Variants in BAIAP2 observed in about 807,000 individuals in gnomAD.
BAIAP2 encodes BAR/IMD domain-containing adapter protein 2.
Under a neutral mutation model 63.0 loss-of-function variants are expected in BAIAP2, and 18 were observed. The ratio of observed to expected loss-of-function variants is 0.29; its 90% CI spans 0.20 to 0.42. The LOEUF is 0.42. Ranked by LOEUF, BAIAP2 falls within the 10% of genes least tolerant of loss-of-function variation. BAIAP2 has a pLI of 1.00. For missense variants in BAIAP2, 610 were observed against 734.3 expected, an observed-to-expected ratio of 0.83 and a Z score of 1.96; for synonymous variants, 386 against 307.6, an observed-to-expected ratio of 1.25 and a Z score of -2.67.
intron 3 of BAIAP2, among the ~76,000 whole-genome samples, chr17:81,070,853 C>T (rs145326979): frequency 7.2e-5 from 11 of 152,322 alleles, no homozygotes; most frequent in Admixed American, 2.0e-4. Context: ...TTGATCCCAG[C>T]GTGATGGTGC....
At chr17:81,060,019 G>A (rs189098600) in intron 3 of BAIAP2, among the ~76,000 whole-genome samples, 7 of 152,294 alleles carry the variant, frequency 4.6e-5, no homozygotes, top group Admixed American at 2.0e-4. Context: ...AGACGTGAGG[G>A]CTCTTACTTG....
rs1012476962 is a variant in BAIAP2 at position 81,063,203 on chromosome 17, C to T, written c.217+5236C>T. On this transcript the variant is annotated intron_variant, in intron 3 of 13. Coordinates refer to ENST00000428708, the MANE Select transcript of BAIAP2 (RefSeq NM_001144888.2). ...TTGCAGAAATGTGAAAGGTCTGGAG[C>T]GTATGAGGGGGTGAGGCTGGGAGGG... Among the ~76,000 whole-genome samples the T allele has an allele frequency of 3.3e-5, 5 of 152,040 alleles. No homozygotes were observed. In the East Asian group the frequency reaches 5.8e-4, roughly 18 times the overall value.
intron 2 of BAIAP2, among the ~76,000 whole-genome samples, chr17:81,056,689 A>T (rs900478453): frequency 6.6e-6 from 1 of 152,054 alleles, no homozygotes. Flanking sequence ...GGAGACTTGG[A>T]GCTTTACTTC....
chr17:81,037,029 A>C, intron 1 of BAIAP2: 2 of 1,367,222 alleles, frequency 1.5e-6, no homozygotes, highest in Non-Finnish European at 2.0e-6. Context: ...AACTCTCCTA[A>C]CCGGGCAGTA....
intron 12 of BAIAP2, chr17:81,107,495 C>G (rs559303019): frequency 3.3e-5 from 5 of 152,898 alleles, no homozygotes; most frequent in African/African-American, 9.6e-5. Context: ...GTCCTGGTAT[C>G]TAGGCTGGGG....
intron 2 of BAIAP2, among the ~76,000 whole-genome samples, chr17:81,055,567 G>GTGT (rs1555657817): frequency 2.8e-4 from 5 of 17,612 alleles, no homozygotes; most frequent in African/African-American, 8.3e-4. Flanking sequence ...AGTCTGCAGG[G>GTGT]TGTTTTGTTT....
At chr17:81,066,047 T>C (rs561261874) in intron 3 of BAIAP2, among the ~76,000 whole-genome samples, 72 of 152,370 alleles carry the variant, frequency 4.7e-4, no homozygotes, top group Non-Finnish European at 8.8e-5. Context: ...GCCCTGAGCC[T>C]GTTGTGTTTC....
intron 6 of BAIAP2, among the ~76,000 whole-genome samples, chr17:81,095,417 C>G (rs2057459006): frequency 6.6e-6 from 1 of 152,198 alleles, no homozygotes; most frequent in African/African-American, 2.4e-5. Context: ...CGTCCCCGCA[C>G]CGGCCCCTTG....
intron 3 of BAIAP2, among the ~76,000 whole-genome samples, chr17:81,084,362 G>A (rs548524193): frequency 6.6e-6 from 1 of 152,328 alleles, no homozygotes; most frequent in African/African-American, 2.4e-5. Context: ...AGAGGCTTGT[G>A]ACCAGCGTGT....
At chr17:81,109,687 G>A in intron 13 of BAIAP2, 6 of 985,338 alleles carry the variant, frequency 6.1e-6, no homozygotes, top group Non-Finnish European at 7.2e-6. Context: ...TGCGGGCCAG[G>A]TGTACATAGA....
rs1024944164 is a variant in BAIAP2 at position 81,061,639 on chromosome 17, C to T, written c.217+3672C>T. Among the ~76,000 whole-genome samples, 6 of 152,280 alleles carry T rather than the reference C, an allele frequency of 3.9e-5. No individual in the cohort carries two copies. The South Asian group carries it at 1.2e-3, about 32-fold the overall frequency. On this transcript the variant is annotated intron_variant, in intron 3 of 13. Coordinates refer to ENST00000428708, the MANE Select transcript of BAIAP2 (RefSeq NM_001144888.2). ...TCGTCGCTTGCAGGGTCCTGTTGTG[C>T]GGAGGTGCCACAGTTTGGCCGTACC... is the stretch of plus-strand genomic sequence containing the variant.
At chr17:81,089,348 G>A (rs1044300066) in intron 6 of BAIAP2, among the ~76,000 whole-genome samples, 7 of 152,208 alleles carry the variant, frequency 4.6e-5, no homozygotes, top group African/African-American at 7.2e-5. Context: ...CACCTGATTC[G>A]CAGCCACAGG....
rs12944344 is a variant in BAIAP2 at position 81,116,010 on chromosome 17, G to A, written c.*171G>A. The A allele has an allele frequency of 0.16, 231,202 of 1,462,620 alleles. 19,085 individuals carry two copies. The highest frequency in any genetic ancestry group is 0.22 in the Middle Eastern group (906 of 4,086). The allele number at this position is 1,462,620 out of a possible 1,614,324, so 90.6% of individuals were successfully genotyped here. A position where few individuals can be genotyped will look rare whatever the true frequency, so the allele number is the denominator to read the frequency against. ...GATCCCAGCTGTTCTAGGCAGGGCC[G>A]GGCAGAGTGGGGCGCAGGCCCCTGA... On this transcript the variant is annotated 3_prime_UTR_variant, in exon 14 of 14. Coordinates refer to ENST00000428708, the MANE Select transcript of BAIAP2 (RefSeq NM_001144888.2).
Position 81,115,914 on chromosome 17 carries a change from T to C in BAIAP2, c.*75T>C, listed in dbSNP as rs1229575394. ...ATGTAGCCTGTTCTGTCATCATCTG[T>C]GCGTTCCTGTGTAGAGAACATCCAG... is the stretch of plus-strand genomic sequence containing the variant. On this transcript the variant is annotated 3_prime_UTR_variant, in exon 14 of 14. Coordinates refer to ENST00000428708, the MANE Select transcript of BAIAP2 (RefSeq NM_001144888.2). The C allele has an allele frequency of 1.3e-6, 2 of 1,592,580 alleles. No homozygotes were observed. The highest frequency in any genetic ancestry group is 4.5e-5 in the East Asian group (2 of 44,382).
At chr17:81,040,515 T>A (rs923423858) in intron 1 of BAIAP2, among the ~76,000 whole-genome samples, 1 of 152,246 alleles carries the variant, frequency 6.6e-6, no homozygotes, top group African/African-American at 2.4e-5. Flanking sequence ...CCCGTTTGGC[T>A]CTGTGACTGC....
intron 3 of BAIAP2, among the ~76,000 whole-genome samples, chr17:81,078,590 G>A (rs2054094727): frequency 1.4e-5 from 2 of 147,232 alleles, no homozygotes; most frequent in African/African-American, 5.0e-5. Flanking sequence ...GGGTGCTGTG[G>A]GTGCGGGTGC....
intron 13 of BAIAP2, chr17:81,111,090 G>GCCTCT: frequency 1.8e-6 from 2 of 1,099,352 alleles, no homozygotes; most frequent in Non-Finnish European, 2.7e-6. Context: ...CACTGAGCCT[G>GCCTCT]CCTCTCACTC....
chr17:81,111,635 A>G (rs931137697), intron 13 of BAIAP2, among the ~76,000 whole-genome samples: 1 of 152,246 alleles, frequency 6.6e-6, no homozygotes, highest in Non-Finnish European at 1.5e-5. Context: ...TATGGGTCCA[A>G]TTCCAGTGGG....
At chr17:81,075,675 C>T (rs2053542092) in intron 3 of BAIAP2, among the ~76,000 whole-genome samples, 1 of 152,230 alleles carries the variant, frequency 6.6e-6, no homozygotes. Flanking sequence ...TTGCCTTTAA[C>T]CCTTTCAGTG....
Sources: gnomAD v4.1 joint callset for allele counts (sites outside exome capture counted in the v4.1 genomes callset) on GRCh38, gnomAD v4.1.1 for gene constraint, MANE v1.5 for transcripts, NCBI Gene and HGNC (gene_info 2026-07-23, HGNC 2026-07-21) for gene names.